Variants in NOL4 observed in about 807,000 individuals in gnomAD.
NOL4 encodes cancer/testis antigen 125.
In NOL4, 17 loss-of-function variants were observed where a neutral mutation model predicts 75.9. That is an observed-to-expected ratio of 0.22 (90% CI 0.15 to 0.34). The LOEUF (loss-of-function observed/expected upper bound fraction) is 0.34. Ranked by LOEUF, NOL4 falls within the 10% of genes least tolerant of loss-of-function variation. The probability of loss-of-function intolerance (pLI) is 1.00; values close to 1 mark genes in which losing one functional copy is unlikely to be tolerated. For synonymous variants in NOL4, 292 were observed against 289.9 expected, an observed-to-expected ratio of 1.01 and a Z score of -0.07; for missense variants, 614 against 793.5, an observed-to-expected ratio of 0.77 and a Z score of 2.72.
At chr18:33,994,691 A>T (rs1298160651) in intron 6 of NOL4, among the ~76,000 whole-genome samples, 1 of 151,628 alleles carries the variant, frequency 6.6e-6, no homozygotes, top group Non-Finnish European at 1.5e-5. Flanking sequence ...AAAAAAGAAT[A>T]AAGATCTCAA....
chr18:34,134,896 C>CT (rs1258246907), intron 1 of NOL4, among the ~76,000 whole-genome samples: 1 of 152,114 alleles, frequency 6.6e-6, no homozygotes, highest in Non-Finnish European at 1.5e-5. Flanking sequence ...ACTAGAAATA[C>CT]TTTGAGATGA....
intron 9 of NOL4, among the ~76,000 whole-genome samples, chr18:33,902,102 A>C (rs1265478154): frequency 1.3e-5 from 2 of 152,054 alleles, no homozygotes. Context: ...TGAAAGTTGT[A>C]ATAAGGTTTG....
chr18:33,911,468 G>T (rs902298634), intron 9 of NOL4, among the ~76,000 whole-genome samples: 1 of 151,968 alleles, frequency 6.6e-6, no homozygotes, highest in African/African-American at 2.4e-5. Context: ...AGAAAACTCT[G>T]AGTGATTTAA....
At chr18:34,131,063 C>T (rs1350034673) in intron 1 of NOL4, among the ~76,000 whole-genome samples, 6 of 138,698 alleles carry the variant, frequency 4.3e-5, no homozygotes, top group Non-Finnish European at 7.8e-5. Flanking sequence ...TACACACACA[C>T]ACATACACCG....
chr18:33,935,187 A>G (rs1341924065), intron 9 of NOL4, among the ~76,000 whole-genome samples: 1 of 151,996 alleles, frequency 6.6e-6, no homozygotes, highest in African/African-American at 2.4e-5. Context: ...AATATTCTCC[A>G]AGAATATTAA....
chr18:33,976,746 T>A (rs1030324734), intron 6 of NOL4, among the ~76,000 whole-genome samples: 1 of 152,208 alleles, frequency 6.6e-6, no homozygotes, highest in Non-Finnish European at 1.5e-5. Context: ...AAGTTTGAGT[T>A]AGAGGTGAGC....
At chr18:33,999,325 T>A (rs2073527430) in intron 6 of NOL4, among the ~76,000 whole-genome samples, 1 of 151,920 alleles carries the variant, frequency 6.6e-6, no homozygotes. Context: ...ATAATGCTAA[T>A]TTTTTTATTT....
chr18:33,920,213 G>A (rs1419537100), intron 9 of NOL4, among the ~76,000 whole-genome samples: 1 of 151,976 alleles, frequency 6.6e-6, no homozygotes, highest in African/African-American at 2.4e-5. Flanking sequence ...CGAGACAGAA[G>A]GAGAGAGAGG....
chr18:34,164,754 G>A (rs2032078636), intron 1 of NOL4, among the ~76,000 whole-genome samples: 1 of 151,824 alleles, frequency 6.6e-6, no homozygotes, highest in African/African-American at 2.4e-5. Flanking sequence ...TATACCCAAA[G>A]GACTATAAAT....
intron 6 of NOL4, among the ~76,000 whole-genome samples, chr18:34,006,124 T>G (rs1462000967): frequency 1.3e-5 from 2 of 152,216 alleles, no homozygotes; most frequent in South Asian, 2.1e-4. Context: ...CAGTCTTTAA[T>G]AGGGCACCAT....
At chr18:33,996,332 T>C (rs2073282854) in intron 6 of NOL4, among the ~76,000 whole-genome samples, 3 of 151,872 alleles carry the variant, frequency 2.0e-5, no homozygotes, top group South Asian at 4.1e-4. Flanking sequence ...ACAAGATTCA[T>C]ATACAAAAAT....
At chr18:34,084,353 C>A (rs554459274) in intron 5 of NOL4, among the ~76,000 whole-genome samples, 1 of 152,120 alleles carries the variant, frequency 6.6e-6, no homozygotes, top group Admixed American at 6.5e-5. Flanking sequence ...TGTCCATAAA[C>A]CCCTGGCTAG....
At chr18:34,017,289 G>A (rs1417957083) in intron 6 of NOL4, among the ~76,000 whole-genome samples, 1 of 152,090 alleles carries the variant, frequency 6.6e-6, no homozygotes, top group African/African-American at 2.4e-5. Flanking sequence ...AGAGCCTTGT[G>A]AATAAAGACT....
intron 5 of NOL4, among the ~76,000 whole-genome samples, chr18:34,081,730 T>C (rs1161392990): frequency 2.0e-5 from 3 of 152,142 alleles, no homozygotes; most frequent in African/African-American, 7.2e-5. Flanking sequence ...AAATAATAAA[T>C]GCAGCCAAAG....
chr18:33,992,304 G>A (rs933479748), intron 6 of NOL4, among the ~76,000 whole-genome samples: 6 of 151,870 alleles, frequency 4.0e-5, no homozygotes, highest in Non-Finnish European at 7.4e-5. Flanking sequence ...AACAATTATG[G>A]ATGTCTTTTT....
intron 5 of NOL4, among the ~76,000 whole-genome samples, chr18:34,068,964 C>T (rs2077397605): frequency 1.3e-5 from 2 of 152,060 alleles, no homozygotes; most frequent in East Asian, 3.9e-4. Flanking sequence ...TTTAATCATT[C>T]TTTTATAGCA....
In NOL4 at chr18:33,958,433, T is replaced by C. The variant is rs1228747140; in HGVS notation, c.1057-15A>G. Reference sequence around the variant, plus strand: ...TGTGCAGGAGACTGAAAAGAGAAGGTGAAATAACTGCTTTTAAATTCATTG... The same window carrying C: ...TGTGCAGGAGACTGAAAAGAGAAGGCGAAATAACTGCTTTTAAATTCATTG... On this transcript the variant is annotated splice_polypyrimidine_tract_variant and intron_variant, in intron 6 of 10. Coordinates refer to ENST00000261592, the MANE Select transcript of NOL4 (RefSeq NM_003787.5). 1.9e-6 allele frequency: 3 copies of C among 1,578,974 alleles called. No homozygotes were observed. The Admixed American group carries it at 5.5e-5, about 29-fold the overall frequency.
At chr18:34,013,608 G>C (rs2074506045) in intron 6 of NOL4, among the ~76,000 whole-genome samples, 1 of 151,800 alleles carries the variant, frequency 6.6e-6, no homozygotes, top group African/African-American at 2.4e-5. Context: ...GTTCATCAAT[G>C]TTCCTCTGTT....
intron 6 of NOL4, among the ~76,000 whole-genome samples, chr18:33,969,343 A>G (rs2070861762): frequency 2.0e-5 from 3 of 152,298 alleles, no homozygotes; most frequent in Non-Finnish European, 4.4e-5. Context: ...AATATTCTTT[A>G]TATTTCACTT....
Sources: gnomAD v4.1 joint callset for allele counts (sites outside exome capture counted in the v4.1 genomes callset) on GRCh38, gnomAD v4.1.1 for gene constraint, MANE v1.5 for transcripts, NCBI Gene and HGNC (gene_info 2026-07-23, HGNC 2026-07-21) for gene names.